Variants in ANO4 observed in about 807,000 individuals in gnomAD.
The protein encoded by ANO4 is anoctamin-4.
ANO4 carries 69 observed loss-of-function variants against 141.9 expected under a neutral mutation model. The ratio of observed to expected loss-of-function variants is 0.49; its 90% CI spans 0.40 to 0.59. The LOEUF (loss-of-function observed/expected upper bound fraction) is 0.59, where lower values mean the gene tolerates loss of function less well. ANO4 is among the 20% of genes least tolerant of loss of function. ANO4 has a pLI of 0.00. For synonymous variants in ANO4, 350 were observed against 394.3 expected, an observed-to-expected ratio of 0.89 and a Z score of 1.33; for missense variants, 894 against 1,162.2, an observed-to-expected ratio of 0.77 and a Z score of 3.36.
chr12:100,726,557 A>C (rs1429463740), intron 1 of ANO4, among the ~76,000 whole-genome samples: 1 of 152,198 alleles, frequency 6.6e-6, no homozygotes, highest in Non-Finnish European at 1.5e-5. Context: ...AATCATTTGG[A>C]TATCTTGTGA....
chr12:100,944,154 C>T (rs2042618632), intron 5 of ANO4, among the ~76,000 whole-genome samples: 1 of 152,124 alleles, frequency 6.6e-6, no homozygotes, highest in Admixed American at 6.6e-5. Flanking sequence ...CTTAAAAAGC[C>T]TAATGCTTTT....
intron 1 of ANO4, among the ~76,000 whole-genome samples, chr12:100,848,158 T>C (rs2037672700): frequency 6.6e-6 from 1 of 152,190 alleles, no homozygotes; most frequent in African/African-American, 2.4e-5. Flanking sequence ...AGATTAGGAC[T>C]TATAAATGTT....
chr12:100,990,343 ATAC>A (rs2045035031), intron 8 of ANO4, among the ~76,000 whole-genome samples: 1 of 152,172 alleles, frequency 6.6e-6, no homozygotes, highest in Non-Finnish European at 1.5e-5. Context: ...CTTTAGAACA[ATAC>A]TTCTCAGCGT....
At chr12:100,885,293 C>G (rs2039774364) in intron 1 of ANO4, among the ~76,000 whole-genome samples, 1 of 152,230 alleles carries the variant, frequency 6.6e-6, no homozygotes, top group Non-Finnish European at 1.5e-5. Context: ...TACCACACAA[C>G]CGACATTCAG....
At chr12:100,995,900 G>C (rs1183373724) in intron 8 of ANO4, among the ~76,000 whole-genome samples, 3 of 152,186 alleles carry the variant, frequency 2.0e-5, no homozygotes, top group African/African-American at 7.2e-5. Flanking sequence ...TGTTACCGCT[G>C]GGGGACAGAG....
At chr12:101,071,676 T>A (rs187339144) in intron 14 of ANO4, among the ~76,000 whole-genome samples, 7 of 152,228 alleles carry the variant, frequency 4.6e-5, no homozygotes, top group Admixed American at 4.6e-4. Flanking sequence ...TTGTACTTTT[T>A]AAAATAACTA....
At chr12:100,946,060 C>A (rs2042707359) in intron 5 of ANO4, among the ~76,000 whole-genome samples, 2 of 152,182 alleles carry the variant, frequency 1.3e-5, no homozygotes, top group Non-Finnish European at 2.9e-5. Context: ...GAGTGGGCCT[C>A]TTTTCCACAG....
intron 2 of ANO4, among the ~76,000 whole-genome samples, chr12:100,911,180 A>G (rs540106917): frequency 7.9e-5 from 12 of 152,298 alleles, no homozygotes; most frequent in African/African-American, 2.4e-4. Context: ...TAATTCCCAT[A>G]ATATTCTCAT....
In ANO4 at chr12:101,075,729, TTATA is replaced by T. The variant is rs5800454; in HGVS notation, c.1313-3451_1313-3448del. Among the ~76,000 whole-genome samples the T allele has an allele frequency of 8.3e-5, 12 of 144,432 alleles. No individual in the cohort carries two copies. In the East Asian group the frequency reaches 2.2e-3, roughly 26 times the overall value. The allele number at this position is 144,432 out of a possible 152,430, so 94.8% of individuals were successfully genotyped here. ...TTATATAAAACAAATATATATATCTTTATATATATATATATAACAAAAATATGTA... is the reference window on the plus strand; with the variant it reads ...TTATATAAAACAAATATATATATCTTTATATATATATAACAAAAATATGTA... On this transcript the variant is annotated intron_variant, in intron 14 of 27. Coordinates refer to ENST00000392977, the MANE Select transcript of ANO4 (RefSeq NM_001286615.2).
At chr12:100,960,473 A>T (rs1592845568) in intron 5 of ANO4, among the ~76,000 whole-genome samples, 2 of 152,058 alleles carry the variant, frequency 1.3e-5, no homozygotes, top group East Asian at 3.9e-4. Flanking sequence ...TCTAATTTTG[A>T]TCAGCATTTC....
intron 2 of ANO4, among the ~76,000 whole-genome samples, chr12:100,735,158 T>C (rs1243566577): frequency 6.6e-6 from 1 of 152,220 alleles, no homozygotes; most frequent in African/African-American, 2.4e-5. Flanking sequence ...TCATTTGCCA[T>C]GAATGTACCT....
At chr12:101,022,041 CAAAAAAAAAAA>C (rs34942464) in intron 9 of ANO4, among the ~76,000 whole-genome samples, 2 of 76,114 alleles carry the variant, frequency 2.6e-5, no homozygotes, top group Non-Finnish European at 5.8e-5. Flanking sequence ...ATGACTCTGC[CAAAAAAAAAAA>C]AAAAAAAACA....
At chr12:100,881,059 G>A (rs1002847571) in intron 1 of ANO4, among the ~76,000 whole-genome samples, 1 of 146,152 alleles carries the variant, frequency 6.8e-6, no homozygotes, top group African/African-American at 2.5e-5. Flanking sequence ...AGTTTGCTGA[G>A]TATGATGGTT....
intron 23 of ANO4, among the ~76,000 whole-genome samples, chr12:101,111,339 A>T (rs1334105215): frequency 1.3e-5 from 2 of 152,060 alleles, no homozygotes; most frequent in African/African-American, 2.4e-5. Context: ...TCTCTGCCTC[A>T]TGTCTGATCC....
chr12:100,746,313 C>T (rs1003265547), intron 3 of ANO4, among the ~76,000 whole-genome samples: 5 of 152,076 alleles, frequency 3.3e-5, no homozygotes, highest in African/African-American at 7.2e-5. Context: ...ATTAGCTGGG[C>T]GTGGTGTCAT....
chr12:101,088,456 T>C (rs997123314), intron 17 of ANO4, among the ~76,000 whole-genome samples: 1 of 152,128 alleles, frequency 6.6e-6, no homozygotes, highest in Non-Finnish European at 1.5e-5. Context: ...CTTATTTATT[T>C]TGTTTATCTG....
chr12:101,094,137 A>C (rs1593252892), intron 17 of ANO4, 119 bp from the exon 18 acceptor site: 1 of 738,202 alleles, frequency 1.4e-6, no homozygotes, highest in South Asian at 1.8e-5. Context: ...TCATTGGTTG[A>C]GCAATGGATG....
At chr12:100,785,953 G>A (rs557283055) in intron 3 of ANO4, among the ~76,000 whole-genome samples, 3 of 152,234 alleles carry the variant, frequency 2.0e-5, no homozygotes, top group South Asian at 2.1e-4. Flanking sequence ...TCAGTGGATG[G>A]CCTAGTTTTA....
Position 101,114,327 on chromosome 12 carries a change from T to C in ANO4, c.2451-2352T>C, listed in dbSNP as rs75355651. Among the ~76,000 whole-genome samples the C allele has an allele frequency of 6.7e-3, 1,027 of 152,326 alleles. 7 individuals carry two copies. Among genetic ancestry groups the C allele is most frequent in the Non-Finnish European group, 0.012 (811 of 68,002 alleles). On this transcript the variant is annotated intron_variant, in intron 24 of 27. Transcript: ENST00000392977. ...AGGTGAAAGGAATTAGTGAAACGTC[T>C]AGCTGTCCGTGCATCTTTTCCCCCA...
Sources: allele counts gnomAD v4.1 joint callset (sites outside exome capture counted in the v4.1 genomes callset), GRCh38; gene constraint gnomAD v4.1.1; transcripts MANE v1.5; gene names NCBI Gene and HGNC (gene_info 2026-07-23, HGNC 2026-07-21).